Variants in PDE6C observed in about 807,000 individuals in gnomAD.
PDE6C encodes cone cGMP-specific 3',5'-cyclic phosphodiesterase subunit alpha'.
Under a neutral mutation model 113.1 loss-of-function variants are expected in PDE6C, and 75 were observed. That is an observed-to-expected ratio of 0.66 (90% CI 0.55 to 0.80). The LOEUF is 0.80. Among genes scored for constraint, PDE6C ranks in the 30% least tolerant of loss-of-function variants. The pLI, the probability that PDE6C is intolerant of heterozygous loss-of-function variation, is 0.00. For synonymous variants in PDE6C, 375 were observed against 363.7 expected, an observed-to-expected ratio of 1.03 and a Z score of -0.35; for missense variants, 912 against 1,038.6, an observed-to-expected ratio of 0.88 and a Z score of 1.67.
chr10:93,622,665 GTT>G (rs772786278), intron 4 of PDE6C, among the ~76,000 whole-genome samples: 2 of 56,130 alleles, frequency 3.6e-5, no homozygotes, highest in African/African-American at 7.3e-5. Flanking sequence ...TTTTTTTGTT[GTT>G]TTTTTTTTTT....
chr10:93,612,840 A>G lies in PDE6C; in HGVS notation c.115A>G (p.Asn39Asp), dbSNP rs1217971434. Residue 39 changes from asparagine to aspartate, a missense_variant, in exon 1 of 22, where the codon AAC becomes GAC. Coordinates refer to ENST00000371447, the MANE Select transcript of PDE6C (RefSeq NM_006204.4). ...GGAGGTGCTGGGAGAAATCTTCAAG[A>G]ACAGCCAGGTGCCAGTCCAGTCCAG... Reference protein sequence around the residue: ...RVEVLGEIFKNSQVPVQSSMS... With the variant: ...RVEVLGEIFKDSQVPVQSSMS... The G allele has an allele frequency of 5.0e-6, 8 of 1,614,036 alleles. No individual in the cohort carries two copies. Among genetic ancestry groups the G allele is most frequent in the Non-Finnish European group, 6.8e-6 (8 of 1,180,036 alleles).
chr10:93,626,697 G>A lies in PDE6C; in HGVS notation c.997G>A (p.Val333Met). The change falls in exon 6 of 22, where the codon GTG (valine) becomes ATG (methionine). Residue 333 changes from valine (V) to methionine (M), a missense_variant. Transcript: ENST00000371447. Reference protein sequence around the residue: ...YILHGKEEIKVIPTPPADHWT... With the variant: ...YILHGKEEIKMIPTPPADHWT... The stretch of plus-strand genomic sequence containing the variant: ...TTTACATGGAAAAGAAGAGATCAAA[G>A]TGATTCCGTGAGTATTGGCAGGAAG... The A allele has an allele frequency of 6.2e-7, 1 of 1,606,500 alleles. No homozygotes were observed. The highest frequency in any genetic ancestry group is 8.5e-7 in the Non-Finnish European group (1 of 1,173,010).
intron 15 of PDE6C, among the ~76,000 whole-genome samples, chr10:93,646,698 G>C (rs1338152238): frequency 6.6e-6 from 1 of 152,058 alleles, no homozygotes; most frequent in African/African-American, 2.4e-5. Flanking sequence ...TAAATAACCA[G>C]ATCTCATGAG....
intron 13 of PDE6C, 142 bp from the exon 14 acceptor site, chr10:93,640,778 C>T (rs2058555791): frequency 1.4e-6 from 1 of 708,294 alleles, no homozygotes; most frequent in South Asian, 1.6e-5. Flanking sequence ...TCTTCACCCA[C>T]AGTACTACAA....
rs1554888858 is a variant in PDE6C, at chr10:93,620,746, A to G, written c.595A>G (p.Lys199Glu). The stretch of plus-strand genomic sequence containing the variant: ...TCTTGCTGTGATCATGGCAGTTAAC[A>G]AAGTAAATGCATCTGAATTTTCCAA... ...EVLAVIMAVN[K>E]VNASEFSKQD... The change falls in exon 2 of 22, where the codon AAA becomes GAA. Residue 199 changes from lysine to glutamate, a missense_variant. By Grantham distance (56) the Lys-to-Glu change is moderately conservative. Coordinates refer to ENST00000371447, the MANE Select transcript of PDE6C (RefSeq NM_006204.4). 1.2e-6 allele frequency: 2 copies of G among 1,614,210 alleles called. No homozygotes were observed. The highest frequency in any genetic ancestry group is 1.7e-6 in the Non-Finnish European group (2 of 1,180,038).
At chr10:93,637,877 T>C (rs2058541410) in intron 11 of PDE6C, among the ~76,000 whole-genome samples, 1 of 152,214 alleles carries the variant, frequency 6.6e-6, no homozygotes, top group Admixed American at 6.5e-5. Flanking sequence ...AAAAATCAGA[T>C]ATTGTAGATA....
intron 10 of PDE6C, among the ~76,000 whole-genome samples, chr10:93,635,939 T>C (rs542114439): frequency 6.6e-6 from 1 of 152,320 alleles, no homozygotes; most frequent in Admixed American, 6.5e-5. Flanking sequence ...TCAGCTATTG[T>C]CATATAATGC....
At chr10:93,637,893 G>A (rs190169437) in intron 11 of PDE6C, among the ~76,000 whole-genome samples, 12 of 152,290 alleles carry the variant, frequency 7.9e-5, no homozygotes, top group East Asian at 3.9e-4. Context: ...AGATAAAAAC[G>A]TGTAGGGGCT....
In PDE6C at chr10:93,645,989, G is replaced by T; in HGVS notation, c.1877G>T (p.Gly626Val). The change falls in exon 15 of 22, where the codon GGT becomes GTT. Residue 626 changes from glycine to valine, a missense_variant. Gly to Val is a moderately radical substitution (Grantham distance 109, BLOSUM62 -3). Coordinates refer to ENST00000371447, the MANE Select transcript of PDE6C (RefSeq NM_006204.4). ...ACGTCTCCATTAGCAAGACTTCATG[G>T]TTCTTCTATTTTGGAGAGGCACCAC... Reference protein sequence around the residue: ...KSTSPLARLHGSSILERHHLE... With the variant: ...KSTSPLARLHVSSILERHHLE... 1 of 1,608,732 alleles carries T rather than the reference G, an allele frequency of 6.2e-7. No individual in the cohort carries two copies. The highest frequency in any genetic ancestry group is 8.5e-7 in the Non-Finnish European group (1 of 1,175,330).
Position 93,613,022 on chromosome 10 carries a change from C to T in PDE6C, c.297C>T (p.Phe99=), listed in dbSNP as rs1395150605. ...HLLQADRCSM[F]LCRSRNGIPE... ...TCCAGGCTGACCGCTGCAGCATGTT[C>T]CTGTGCCGGTCCCGGAACGGCATAC... Residue 99 remains phenylalanine (F), a synonymous_variant, in exon 1 of 22, where the codon TTC becomes TTT. Coordinates refer to ENST00000371447, the MANE Select transcript of PDE6C (RefSeq NM_006204.4). 2.5e-6 allele frequency: 4 copies of T among 1,614,152 alleles called. No individual in the cohort carries two copies. The highest frequency in any genetic ancestry group is 3.4e-6 in the Non-Finnish European group (4 of 1,180,024).
At chr10:93,627,925 A>C (rs192831774) in intron 7 of PDE6C, among the ~76,000 whole-genome samples, 4 of 152,218 alleles carry the variant, frequency 2.6e-5, no homozygotes, top group Non-Finnish European at 4.4e-5. Context: ...ATTCTCAGAA[A>C]GCACTTACCT....
chr10:93,650,756 T>C (rs1394699581), intron 15 of PDE6C, among the ~76,000 whole-genome samples: 2 of 152,188 alleles, frequency 1.3e-5, no homozygotes, highest in Non-Finnish European at 2.9e-5. Flanking sequence ...TTATGAAAAG[T>C]TGTAGCTGAG....
At chr10:93,643,841 T>C (rs1484145573) in intron 14 of PDE6C, among the ~76,000 whole-genome samples, 2 of 152,184 alleles carry the variant, frequency 1.3e-5, no homozygotes, top group East Asian at 1.9e-4. Context: ...TCAGTATTGG[T>C]ACAATAATAT....
intron 10 of PDE6C, 108 bp from the exon 11 acceptor site, chr10:93,636,887 C>T (rs2058534984): frequency 1.4e-6 from 1 of 717,866 alleles, no homozygotes; most frequent in South Asian, 1.5e-5. Flanking sequence ...CCCGCCTCTT[C>T]CTCCCACATA....
At chr10:93,637,461 T>C (rs1271073757) in intron 11 of PDE6C, among the ~76,000 whole-genome samples, 1 of 152,172 alleles carries the variant, frequency 6.6e-6, no homozygotes, top group Admixed American at 6.5e-5. Flanking sequence ...ATTTCTAGCT[T>C]CTCTTCTGGA....
intron 18 of PDE6C, among the ~76,000 whole-genome samples, chr10:93,659,986 T>TA (rs2058658730): frequency 6.6e-6 from 1 of 152,224 alleles, no homozygotes; most frequent in Non-Finnish European, 1.5e-5. Context: ...GAGGCACTAG[T>TA]CTACCACTTG....
chr10:93,659,580 C>A (rs1373234381), intron 18 of PDE6C, among the ~76,000 whole-genome samples: 1 of 152,090 alleles, frequency 6.6e-6, no homozygotes, highest in Non-Finnish European at 1.5e-5. Context: ...GAAGGAAGAG[C>A]AAAGGGATGT....
chr10:93,630,024 C>G (rs4919340), intron 8 of PDE6C, among the ~76,000 whole-genome samples: 32,223 of 152,054 alleles, frequency 0.21, 3,850 homozygotes, highest in East Asian at 0.36. Flanking sequence ...GGCTGGCTAC[C>G]TCCTACATCC....
At chr10:93,636,795 T>C (rs2058534396) in intron 10 of PDE6C, among the ~76,000 whole-genome samples, 200 bp from the exon 11 acceptor site, 1 of 152,086 alleles carries the variant, frequency 6.6e-6, no homozygotes, top group Non-Finnish European at 1.5e-5. Flanking sequence ...AGAGATGGGG[T>C]CTCACTCTCT....
Sources: allele counts gnomAD v4.1 joint callset (sites outside exome capture counted in the v4.1 genomes callset), GRCh38; gene constraint gnomAD v4.1.1; transcripts MANE v1.5; gene names NCBI Gene and HGNC (gene_info 2026-07-23, HGNC 2026-07-21).